Variants in NAV3 observed in about 807,000 individuals in gnomAD.
The protein encoded by NAV3 is pore membrane and/or filament interacting like protein 1.
In NAV3, 87 loss-of-function variants were observed where a neutral mutation model predicts 244.7. That is an observed-to-expected ratio of 0.36 (90% CI 0.30 to 0.42). The LOEUF (loss-of-function observed/expected upper bound fraction) is 0.42, where lower values mean the gene tolerates loss of function less well. Ranked by LOEUF, NAV3 falls within the 20% of genes least tolerant of loss-of-function variation. The probability of loss-of-function intolerance (pLI) is 1.00; values close to 1 mark genes in which losing one functional copy is unlikely to be tolerated. For synonymous variants in NAV3, 1,126 were observed against 1,042.2 expected (o/e 1.08, Z -1.55); for missense variants, 2,663 against 2,893.3 (o/e 0.92, Z 1.83).
intron 2 of NAV3, among the ~76,000 whole-genome samples, chr12:77,762,955 C>G (rs1869560463): frequency 6.6e-6 from 1 of 152,204 alleles, no homozygotes; most frequent in Non-Finnish European, 1.5e-5. Flanking sequence ...ATAACTTACA[C>G]AGAGTATGGA....
intron 2 of NAV3, among the ~76,000 whole-genome samples, chr12:77,642,285 A>C (rs1428525750): frequency 6.6e-6 from 1 of 151,988 alleles, no homozygotes; most frequent in South Asian, 2.1e-4. Context: ...ATCTTTAATT[A>C]TTATTTTTTT....
At chr12:77,676,130 C>T (rs991198544) in intron 2 of NAV3, among the ~76,000 whole-genome samples, 2 of 151,732 alleles carry the variant, frequency 1.3e-5, no homozygotes, top group Non-Finnish European at 2.9e-5. Flanking sequence ...GCTGAACGTG[C>T]AGGTTTGTTA....
intron 2 of NAV3, among the ~76,000 whole-genome samples, chr12:77,732,566 A>G (rs1053532960): frequency 1.3e-5 from 2 of 151,986 alleles, no homozygotes; most frequent in African/African-American, 2.4e-5. Flanking sequence ...ATTTACTGAG[A>G]GGTTATTGCT....
At chr12:77,721,766 G>A (rs1261269532) in intron 2 of NAV3, among the ~76,000 whole-genome samples, 1 of 152,066 alleles carries the variant, frequency 6.6e-6, no homozygotes, top group Non-Finnish European at 1.5e-5. Flanking sequence ...CAATTTACAT[G>A]GCACATTTTC....
rs1042200231 is a variant in NAV3, at chr12:77,591,035, GTCTTCTCACCAAAT to G, written c.72+18771_72+18784del. Among the ~76,000 whole-genome samples, 317 of 152,268 alleles carry G rather than the reference GTCTTCTCACCAAAT, an allele frequency of 2.1e-3. 1 individual carries two copies. Among genetic ancestry groups the G allele is most frequent in the Non-Finnish European group, 3.9e-3 (265 of 68,010 alleles). ...AATACAGTTTTCAGACAGACAACTC[GTCTTCTCACCAAAT>G]TAGTTTCCCTGAATGCTGCTAATAG... On this transcript the variant is annotated intron_variant, in intron 2 of 8. Transcript: ENST00000550042.
chr12:77,903,276 G>A (rs1885536188), intron 1 of NAV3, among the ~76,000 whole-genome samples: 1 of 152,052 alleles, frequency 6.6e-6, no homozygotes, highest in Non-Finnish European at 1.5e-5. Flanking sequence ...AAACAGCATG[G>A]TACTAGTACA....
intron 2 of NAV3, among the ~76,000 whole-genome samples, chr12:77,605,315 C>T (rs1003256676): frequency 9.2e-5 from 14 of 152,014 alleles, no homozygotes; most frequent in Admixed American, 3.3e-4. Context: ...AGCACCTGCC[C>T]GATCATAATC....
chr12:78,034,395 A>G (rs1226625223), intron 9 of NAV3, among the ~76,000 whole-genome samples: 3 of 152,244 alleles, frequency 2.0e-5, no homozygotes, highest in Non-Finnish European at 4.4e-5. Flanking sequence ...ACAAAGTCCC[A>G]GGACCCTCCG....
At chr12:78,114,080 A>G (rs1023321822) in intron 12 of NAV3, among the ~76,000 whole-genome samples, 1 of 152,216 alleles carries the variant, frequency 6.6e-6, no homozygotes, top group South Asian at 2.1e-4. Context: ...TTGCTAAAGC[A>G]TAACAAGAGT....
chr12:77,660,880 T>C (rs1028255606), intron 2 of NAV3, among the ~76,000 whole-genome samples: 3 of 152,162 alleles, frequency 2.0e-5, no homozygotes, highest in African/African-American at 7.2e-5. Context: ...ACGCTCAGTG[T>C]AATATTATAA....
intron 12 of NAV3, among the ~76,000 whole-genome samples, chr12:78,070,425 C>A (rs1370331624): frequency 6.7e-6 from 1 of 149,602 alleles, no homozygotes; most frequent in African/African-American, 2.5e-5. Flanking sequence ...TTTTAAAGTG[C>A]ATAAGAATAA....
At chr12:78,151,999 C>G (rs932319331) in intron 22 of NAV3, among the ~76,000 whole-genome samples, 1 of 151,172 alleles carries the variant, frequency 6.6e-6, no homozygotes, top group African/African-American at 2.4e-5. Context: ...TAGTTTCAAA[C>G]TAAAATATAA....
At chr12:77,575,220 T>C (rs971111191) in intron 2 of NAV3, among the ~76,000 whole-genome samples, 5 of 152,064 alleles carry the variant, frequency 3.3e-5, no homozygotes, top group Non-Finnish European at 7.4e-5. Flanking sequence ...AAATTCTATC[T>C]GAAGTACTCT....
In NAV3 at chr12:78,187,349, T is replaced by C. The variant is rs551992081; in HGVS notation, c.5791-899T>C. On this transcript the variant is annotated intron_variant, in intron 31 of 39. Transcript: ENST00000397909. ...GAATCCATATCTTCTAACTCATGAC[T>C]CAGTGATTATTCTACCACCCGTTAA... Among the ~76,000 whole-genome samples, 9 of 151,986 alleles carry C rather than the reference T, an allele frequency of 5.9e-5. 1 individual carries two copies. The highest frequency in any genetic ancestry group is 3.3e-4 in the Admixed American group (5 of 15,190).
chr12:78,207,446 C>T (rs747195791), intron 39 of NAV3, among the ~76,000 whole-genome samples: 3 of 152,042 alleles, frequency 2.0e-5, no homozygotes, highest in Non-Finnish European at 4.4e-5. Context: ...AGCTTAAAAT[C>T]CAGTAGTGAA....
chr12:77,772,330 A>T (rs1314860648), intron 2 of NAV3, among the ~76,000 whole-genome samples: 1 of 152,230 alleles, frequency 6.6e-6, no homozygotes, highest in African/African-American at 2.4e-5. Flanking sequence ...TAAACAATAA[A>T]GGAAAATTAA....
At position 77,622,851 on chromosome 12, in the gene NAV3, A is replaced by T. The variant is rs1592513569; in HGVS notation, c.72+50585A>T. On this transcript the variant is annotated intron_variant, in intron 2 of 8. Coordinates refer to the NAV3 transcript ENST00000550042. ...TTAAAAGCTTTCTAGTAAGGACATT[A>T]TCTGGTGTCTAAAACACTATTGAGA... Among the ~76,000 whole-genome samples, 3 of 152,294 alleles carry T rather than the reference A, an allele frequency of 2.0e-5. No individual in the cohort carries two copies. In the South Asian group the frequency reaches 6.2e-4, roughly 32 times the overall value.
intron 12 of NAV3, among the ~76,000 whole-genome samples, chr12:78,064,413 G>GCC (rs1884723949): frequency 7.1e-6 from 1 of 140,574 alleles, no homozygotes; most frequent in Non-Finnish European, 1.6e-5. Flanking sequence ...CTGTCTGTCT[G>GCC]TCTGTCTGTC....
intron 2 of NAV3, among the ~76,000 whole-genome samples, chr12:77,736,172 C>T (rs1236846651): frequency 6.6e-6 from 1 of 152,146 alleles, no homozygotes; most frequent in Non-Finnish European, 1.5e-5. Flanking sequence ...AAAAGCCAAC[C>T]TTATTTGTTC....
Sources: allele counts gnomAD v4.1 joint callset (sites outside exome capture counted in the v4.1 genomes callset), GRCh38; gene constraint gnomAD v4.1.1; transcripts MANE v1.5; gene names NCBI Gene and HGNC (gene_info 2026-07-23, HGNC 2026-07-21).